SPECC1: variants seen among roughly 807,000 people sequenced by gnomAD.
SPECC1 encodes the protein cytospin-B.
A neutral mutation model predicts 104.1 loss-of-function variants in SPECC1; 62 were observed. The observed-to-expected ratio is 0.60, with a 90% CI of 0.49 to 0.74. The LOEUF is 0.74. SPECC1 is among the 30% of genes least tolerant of loss of function. The pLI is 0.00. For missense variants in SPECC1, 1,306 were observed against 1,310.5 expected (o/e 1.00, Z 0.05); for synonymous variants, 513 against 501.6 (o/e 1.02, Z -0.30).
chr17:20,234,954 A>G (rs2038820782), intron 7 of SPECC1, among the ~76,000 whole-genome samples: 1 of 152,270 alleles, frequency 6.6e-6, no homozygotes, highest in South Asian at 2.1e-4. Context: ...ATGTTAAGGT[A>G]TGTGGGGAAG....
At chr17:20,312,654 A>G (rs1371350867) in intron 14 of SPECC1, among the ~76,000 whole-genome samples, 2 of 152,226 alleles carry the variant, frequency 1.3e-5, no homozygotes, top group African/African-American at 2.4e-5. Context: ...GCCAGGCCTC[A>G]GTCTGTGTGC....
chr17:20,188,032 G>C (rs1356321566), intron 3 of SPECC1, among the ~76,000 whole-genome samples: 3 of 152,178 alleles, frequency 2.0e-5, no homozygotes, highest in African/African-American at 7.2e-5. Context: ...AGGAAGGATT[G>C]TCCAACTATT....
intron 2 of SPECC1, among the ~76,000 whole-genome samples, chr17:20,106,852 G>A (rs781027160): frequency 9.2e-5 from 14 of 151,838 alleles, no homozygotes; most frequent in Non-Finnish European, 1.6e-4. Flanking sequence ...GGACTGTGCT[G>A]TTGTTCAGAA....
chr17:20,164,169 A>ATTTT (rs757191309), intron 3 of SPECC1, among the ~76,000 whole-genome samples: 2 of 135,302 alleles, frequency 1.5e-5, no homozygotes, highest in East Asian at 4.2e-4. Context: ...TTCCCATGTA[A>ATTTT]TTTTTTTTTT....
At chr17:20,252,278 A>C (rs957099589) in intron 9 of SPECC1, among the ~76,000 whole-genome samples, 1 of 152,018 alleles carries the variant, frequency 6.6e-6, no homozygotes, top group African/African-American at 2.4e-5. Context: ...TTAAATTTTT[A>C]ATTTTATTTC....
chr17:20,068,905 T>C (rs1237952388), intron 1 of SPECC1, among the ~76,000 whole-genome samples: 1 of 152,260 alleles, frequency 6.6e-6, no homozygotes, highest in African/African-American at 2.4e-5. Flanking sequence ...ACTAGACACT[T>C]ATCATATATA....
At chr17:20,015,281 CTG>C (rs1567793324) in intron 1 of SPECC1, among the ~76,000 whole-genome samples, 2 of 150,946 alleles carry the variant, frequency 1.3e-5, no homozygotes, top group Non-Finnish European at 3.0e-5. Flanking sequence ...CTCAAATATT[CTG>C]TCTTTTTTAA....
In SPECC1 at chr17:20,141,329, A is replaced by G. The variant is rs117871669; in HGVS notation, c.283+30767A>G. ...AGCTCACTGGACCTGCTCGCTGCTC[A>G]TTCAGCAAGCAGGCAACTCCTGAGT... On this transcript the variant is annotated intron_variant, in intron 3 of 14. Transcript: ENST00000395527. Among the ~76,000 whole-genome samples the G allele has an allele frequency of 9.6e-4, 146 of 152,216 alleles. 1 individual carries two copies. In the East Asian group the frequency reaches 0.024, roughly 25 times the overall value.
chr17:20,144,567 G>C (rs1162245256), intron 3 of SPECC1, among the ~76,000 whole-genome samples: 1 of 152,078 alleles, frequency 6.6e-6, no homozygotes, highest in Non-Finnish European at 1.5e-5. Flanking sequence ...AAATACATAG[G>C]AAGGTGTTCA....
intron 12 of SPECC1, among the ~76,000 whole-genome samples, chr17:20,260,891 C>A (rs1268917285): frequency 6.6e-6 from 1 of 152,060 alleles, no homozygotes; most frequent in Non-Finnish European, 1.5e-5. Flanking sequence ...CATGGGCCAC[C>A]TAGTGTTCTG....
intron 1 of SPECC1, among the ~76,000 whole-genome samples, chr17:20,054,672 T>C (rs1020481788): frequency 1.3e-5 from 2 of 152,142 alleles, no homozygotes; most frequent in African/African-American, 4.8e-5. Context: ...GATATTCTTT[T>C]TCTTTTTTTG....
intron 10 of SPECC1, among the ~76,000 whole-genome samples, chr17:20,255,274 G>C (rs1416275170): frequency 4.6e-5 from 7 of 152,202 alleles, no homozygotes; most frequent in African/African-American, 1.7e-4. Context: ...CGTGCTCCAG[G>C]AGACCAGGCC....
At chr17:20,274,897 C>T (rs996548726) in intron 12 of SPECC1, among the ~76,000 whole-genome samples, 12 of 148,762 alleles carry the variant, frequency 8.1e-5, no homozygotes, top group African/African-American at 1.0e-4. Flanking sequence ...ATTTTCTGTT[C>T]GTAATAACAG....
intron 1 of SPECC1, 29 bp from the exon 2 acceptor site, chr17:20,096,602 A>G (rs971071002): frequency 1.9e-6 from 3 of 1,577,048 alleles, no homozygotes; most frequent in Non-Finnish European, 2.6e-6. Context: ...AGTGATGGAG[A>G]CATGTTTTTC....
intron 2 of SPECC1, among the ~76,000 whole-genome samples, chr17:20,105,696 A>G (rs991851437): frequency 1.3e-5 from 2 of 151,978 alleles, no homozygotes; most frequent in Non-Finnish European, 2.9e-5. Flanking sequence ...GGCGCCACCT[A>G]TGTTACCATG....
At chr17:20,273,744 T>C (rs1266324735) in intron 12 of SPECC1, among the ~76,000 whole-genome samples, 2 of 152,206 alleles carry the variant, frequency 1.3e-5, no homozygotes, top group South Asian at 2.1e-4. Context: ...ATAAATCAGG[T>C]TGGGTCTTTG....
chr17:20,204,808 A>C lies in SPECC1; in HGVS notation c.759A>C (p.Lys253Asn), dbSNP rs1273690099. Residue 253 changes from lysine to asparagine, a missense_variant, in exon 4 of 15, where the codon AAA (lysine) becomes AAC (asparagine). This residue lies in a region of SPECC1 where 1,177 missense variants were observed against 1,139.9 expected (regional missense o/e 1.03). Transcript: ENST00000395527. ...AAGAAAACCGGGTCCTGAAGGAGAA[A>C]CTGATCTATCTTGAGCACTCCCCAA... Reference protein sequence around the residue: ...LEEENRVLKEKLIYLEHSPNS... With the variant: ...LEEENRVLKENLIYLEHSPNS... 6.2e-7 allele frequency: 1 copy of C among 1,614,112 alleles called. No individual in the cohort carries two copies. Among genetic ancestry groups the C allele is most frequent in the South Asian group, 1.1e-5 (1 of 91,070 alleles).
At chr17:20,029,337 A>C (rs1450702233) in intron 1 of SPECC1, among the ~76,000 whole-genome samples, 2 of 152,214 alleles carry the variant, frequency 1.3e-5, no homozygotes, top group Admixed American at 1.3e-4. Flanking sequence ...GTATAGAAAT[A>C]TAATAGATTT....
At chr17:20,302,070 C>T (rs546219629) in intron 13 of SPECC1, among the ~76,000 whole-genome samples, 1 of 152,350 alleles carries the variant, frequency 6.6e-6, no homozygotes, top group South Asian at 2.1e-4. Flanking sequence ...TTGCAACTCT[C>T]TGCTTAGTCC....
Sources: gnomAD v4.1 joint callset for allele counts (sites outside exome capture counted in the v4.1 genomes callset) on GRCh38, gnomAD v4.1.1 for gene constraint, gnomAD v4.1.1 regional missense constraint, MANE v1.5 for transcripts, NCBI Gene and HGNC (gene_info 2026-07-23, HGNC 2026-07-21) for gene names.